RYR2: variants seen among roughly 807,000 people sequenced by gnomAD.
RYR2 encodes the protein cardiac muscle ryanodine receptor-calcium release channel.
Under a neutral mutation model 601.1 loss-of-function variants are expected in RYR2, and 227 were observed. The observed-to-expected ratio is 0.38, with a 90% CI of 0.34 to 0.42. The LOEUF (loss-of-function observed/expected upper bound fraction) is 0.42. Ranked by LOEUF, RYR2 falls within the 10% of genes least tolerant of loss-of-function variation. The pLI is 1.00. For missense variants in RYR2, 4,646 were observed against 6,156.5 expected (o/e 0.75, Z 8.21); for synonymous variants, 2,223 against 2,175.1 (o/e 1.02, Z -0.61).
intron 27 of RYR2, among the ~76,000 whole-genome samples, chr1:237,555,877 G>T (rs2805465): frequency 0.39 from 59,450 of 151,868 alleles, 11,806 homozygotes; most frequent in East Asian, 0.57. Context: ...AAGGAGTACA[G>T]TTTCCCCTGC....
chr1:237,122,460 T>C (rs1558272943), intron 1 of RYR2, among the ~76,000 whole-genome samples: 1 of 152,114 alleles, frequency 6.6e-6, no homozygotes, highest in African/African-American at 2.4e-5. Flanking sequence ...GGCGGGGGGA[T>C]CACTTGAGGC....
At chr1:237,759,969 T>G in intron 83 of RYR2, 117 bp downstream of exon 83, 2 of 712,958 alleles carry the variant, frequency 2.8e-6, no homozygotes, top group South Asian at 3.3e-5. Context: ...TAACAACACT[T>G]TAAAGTGGGA....
At chr1:237,531,857 G>A (rs185228865) in intron 25 of RYR2, among the ~76,000 whole-genome samples, 221 of 152,234 alleles carry the variant, frequency 1.5e-3, no homozygotes, top group African/African-American at 5.2e-3. Flanking sequence ...ACAGACCACA[G>A]TGTTCAGATA....
In RYR2 at chr1:237,833,962, C is replaced by A. The variant is rs1229191787; in HGVS notation, c.*1315C>A. The A allele has an allele frequency of 1.3e-5, 2 of 152,432 alleles. No individual in the cohort carries two copies. Among genetic ancestry groups the A allele is most frequent in the Admixed American group, 1.3e-4 (2 of 15,304 alleles). The allele number at this position is 152,432 out of a possible 1,614,324, so 9.4% of individuals were successfully genotyped here. ...GCTTGTTAATTTTAGAACTGTAAAA[C>A]CGCTCTGATTAAACTATTTAACTAA... On this transcript the variant is annotated 3_prime_UTR_variant, in exon 105 of 105. Coordinates refer to ENST00000366574, the MANE Select transcript of RYR2 (RefSeq NM_001035.3).
intron 58 of RYR2, among the ~76,000 whole-genome samples, chr1:237,669,103 A>G (rs1445938839): frequency 4.1e-5 from 6 of 146,444 alleles, no homozygotes; most frequent in Non-Finnish European, 9.2e-5. Context: ...GCCTTCAAGC[A>G]TCTGTTTAAC....
intron 27 of RYR2, among the ~76,000 whole-genome samples, chr1:237,556,880 CAAAAA>C (rs869116177): frequency 1.0e-4 from 8 of 77,834 alleles, no homozygotes; most frequent in African/African-American, 1.7e-4. Context: ...TCCCTCCCAC[CAAAAA>C]AAAAAAAAAA....
chr1:237,787,938 T>C, intron 91 of RYR2, 50 bp from the exon 92 acceptor site: 3 of 1,534,272 alleles, frequency 2.0e-6, no homozygotes, highest in Non-Finnish European at 2.6e-6. Flanking sequence ...AACACCCGTT[T>C]AGTTCTTTAG....
intron 38 of RYR2, among the ~76,000 whole-genome samples, chr1:237,619,147 A>G (rs1678805401): frequency 6.6e-6 from 1 of 152,232 alleles, no homozygotes; most frequent in Non-Finnish European, 1.5e-5. Flanking sequence ...TGAGATTTCA[A>G]TTAAAAATCA....
At chr1:237,054,021 C>A (rs1304942826) in intron 1 of RYR2, among the ~76,000 whole-genome samples, 2 of 152,174 alleles carry the variant, frequency 1.3e-5, no homozygotes, top group Non-Finnish European at 2.9e-5. Context: ...TCCATTTAGT[C>A]TATAAAGCGG....
intron 74 of RYR2, 137 bp downstream of exon 74, chr1:237,723,399 C>T (rs535099660): frequency 1.4e-5 from 8 of 568,166 alleles, no homozygotes; most frequent in East Asian, 5.9e-5. Context: ...AATAAGAGTC[C>T]GGTGTGCTTA....
At position 237,222,286 on chromosome 1, in the gene RYR2, G is replaced by T. The variant is rs144399727; in HGVS notation, c.49-48211G>T. ...AAATTAGCTGGGCGTGGTGGCAGGC[G>T]CCTGTAGTCCCAGCTCCTCGGGAGG... is the stretch of plus-strand genomic sequence containing the variant. On this transcript the variant is annotated intron_variant, in intron 1 of 104. Transcript: ENST00000366574. Among the ~76,000 whole-genome samples the T allele has an allele frequency of 4.1e-3, 616 of 152,032 alleles. 3 individuals are homozygous for T. The highest frequency in any genetic ancestry group is 0.014 in the African/African-American group (576 of 41,484).
In RYR2 at chr1:237,248,678, T is replaced by A. The variant is rs146199406; in HGVS notation, c.49-21819T>A. 2.6e-5 allele frequency among the ~76,000 whole-genome samples: 4 copies of A among 152,130 alleles called. No homozygotes were observed. In the East Asian group the frequency reaches 7.7e-4, roughly 29 times the overall value. The stretch of plus-strand genomic sequence containing the variant: ...AGGAAAATAGAGTTGTGACACTACC[T>A]TAGTACTGAGAGGTTTTTTAAAGAT... On this transcript the variant is annotated intron_variant, in intron 1 of 104. Coordinates refer to ENST00000366574, the MANE Select transcript of RYR2 (RefSeq NM_001035.3).
intron 2 of RYR2, among the ~76,000 whole-genome samples, chr1:237,275,861 T>A (rs1690232801): frequency 6.6e-6 from 1 of 152,136 alleles, no homozygotes; most frequent in Non-Finnish European, 1.5e-5. Context: ...AACTAGAAGT[T>A]AATTTTTTAA....
intron 1 of RYR2, among the ~76,000 whole-genome samples, chr1:237,170,367 T>A (rs1421905479): frequency 6.6e-6 from 1 of 152,092 alleles, no homozygotes; most frequent in Non-Finnish European, 1.5e-5. Context: ...GGAGGGAGTC[T>A]GCATATCCAC....
At chr1:237,775,223 G>T (rs1694573036) in intron 87 of RYR2, among the ~76,000 whole-genome samples, 2 of 152,044 alleles carry the variant, frequency 1.3e-5, no homozygotes, top group African/African-American at 4.8e-5. Context: ...AGCACAGAGG[G>T]TTTCTGTATA....
intron 3 of RYR2, among the ~76,000 whole-genome samples, chr1:237,342,547 CCA>C (rs1697916168): frequency 6.6e-6 from 1 of 152,034 alleles, no homozygotes; most frequent in Non-Finnish European, 1.5e-5. Flanking sequence ...AGGGCAAAGA[CCA>C]GCAGGATCTA....
At position 237,317,807 on chromosome 1, in the gene RYR2, A is replaced by G. The variant is rs188856943; in HGVS notation, c.169-13071A>G. ...ACCTCTTACGGTTAATGTTTTCATC[A>G]TGTGCATTTTTTGTGTTCTTTTACA... On this transcript the variant is annotated intron_variant, in intron 2 of 104. Coordinates refer to ENST00000366574, the MANE Select transcript of RYR2 (RefSeq NM_001035.3). 5.2e-3 allele frequency among the ~76,000 whole-genome samples: 790 copies of G among 152,096 alleles called. 12 individuals are homozygous for G. The highest frequency in any genetic ancestry group is 0.018 in the African/African-American group (753 of 41,496).
intron 2 of RYR2, among the ~76,000 whole-genome samples, chr1:237,274,761 C>T (rs755511576): frequency 1.3e-5 from 2 of 152,016 alleles, no homozygotes; most frequent in Admixed American, 6.6e-5. Flanking sequence ...TATAGGTGTA[C>T]CGTTTTTTAC....
At chr1:237,549,393 A>C (rs758168736) in intron 26 of RYR2, among the ~76,000 whole-genome samples, 3 of 152,010 alleles carry the variant, frequency 2.0e-5, no homozygotes, top group Non-Finnish European at 4.4e-5. Flanking sequence ...TGGGCAACAT[A>C]GTGAGAGACC....
Sources: gnomAD v4.1 joint callset for allele counts (sites outside exome capture counted in the v4.1 genomes callset) on GRCh38, gnomAD v4.1.1 for gene constraint, MANE v1.5 for transcripts, NCBI Gene and HGNC (gene_info 2026-07-23, HGNC 2026-07-21) for gene names.